The following XXYLT1 variants were observed in gnomAD, a reference collection of about 807,000 sequenced individuals.
XXYLT1 encodes xyloside xylosyltransferase 1, also known as UDP-xylose:alpha-xyloside alpha-1,3-xylosyltransferase.
XXYLT1 carries 20 observed loss-of-function variants against 28.9 expected under a neutral mutation model. The ratio of observed to expected loss-of-function variants is 0.69; its 90% CI spans 0.49 to 1.00. The LOEUF (loss-of-function observed/expected upper bound fraction) is 1.00, where lower values mean the gene tolerates loss of function less well. Among genes scored for constraint, XXYLT1 ranks in the 50% least tolerant of loss-of-function variants. The probability of loss-of-function intolerance (pLI) is 0.00; values close to 1 mark genes in which losing one functional copy is unlikely to be tolerated. For synonymous variants in XXYLT1, 257 were observed against 253.8 expected, an observed-to-expected ratio of 1.01 and a Z score of -0.12; for missense variants, 542 against 560.1, an observed-to-expected ratio of 0.97 and a Z score of 0.33.
At chr3:195,201,294 G>A (rs978999214) in intron 2 of XXYLT1, among the ~76,000 whole-genome samples, 3 of 152,120 alleles carry the variant, frequency 2.0e-5, no homozygotes, top group Admixed American at 6.5e-5. Flanking sequence ...TGTGAGGAAG[G>A]GCCCTTGCTC....
intron 3 of XXYLT1, among the ~76,000 whole-genome samples, chr3:195,098,271 G>T (rs1433080175): frequency 1.3e-5 from 2 of 152,200 alleles, no homozygotes; most frequent in Non-Finnish European, 2.9e-5. Flanking sequence ...GGTTAAAATG[G>T]AGCCAGGTGC....
intron 2 of XXYLT1, among the ~76,000 whole-genome samples, chr3:195,161,542 A>G (rs1261220753): frequency 4.6e-5 from 7 of 152,186 alleles, no homozygotes; most frequent in Non-Finnish European, 1.0e-4. Flanking sequence ...TTTCATTGAC[A>G]AAGACCAATA....
chr3:195,163,722 C>T (rs779040715), intron 2 of XXYLT1, among the ~76,000 whole-genome samples: 2 of 152,200 alleles, frequency 1.3e-5, no homozygotes, highest in Non-Finnish European at 2.9e-5. Context: ...ATAACTAAGC[C>T]ACATCCACGG....
chr3:195,112,319 T>TAG (rs1161887092), intron 3 of XXYLT1, among the ~76,000 whole-genome samples: 2 of 152,052 alleles, frequency 1.3e-5, no homozygotes, highest in Non-Finnish European at 2.9e-5. Context: ...AGAAGATCTG[T>TAG]CCACACTGAT....
intron 2 of XXYLT1, among the ~76,000 whole-genome samples, chr3:195,174,074 TA>T (rs1721541359): frequency 2.0e-5 from 3 of 152,192 alleles, no homozygotes; most frequent in Admixed American, 1.3e-4. Context: ...TTTTCTTTTT[TA>T]ACGAGGGCTG....
Position 195,195,382 on chromosome 3 carries a change from T to A in XXYLT1, c.652+31327A>T, listed in dbSNP as rs559208764. On this transcript the variant is annotated intron_variant, in intron 2 of 3. Coordinates refer to ENST00000310380, the MANE Select transcript of XXYLT1 (RefSeq NM_152531.5). The surrounding 1 kb of genome is among the most constrained non-coding windows in gnomAD (Gnocchi z 4.4). The stretch of plus-strand genomic sequence containing the variant: ...AAGTGCTCTGAGAAGGTGGCCTGGC[T>A]TCCCCAGGGGTGACCACCACGGATT... Among the ~76,000 whole-genome samples, 2 of 152,346 alleles carry A rather than the reference T, an allele frequency of 1.3e-5. No homozygotes were observed. The highest frequency in any genetic ancestry group is 4.8e-5 in the African/African-American group (2 of 41,582).
intron 2 of XXYLT1, among the ~76,000 whole-genome samples, chr3:195,192,106 C>A (rs1722445659): frequency 6.6e-6 from 1 of 152,188 alleles, no homozygotes; most frequent in African/African-American, 2.4e-5. Flanking sequence ...ACATACTAGG[C>A]CACAAAACAA....
intron 2 of XXYLT1, among the ~76,000 whole-genome samples, chr3:195,204,528 C>T (rs755308404): frequency 8.0e-5 from 12 of 150,866 alleles, no homozygotes; most frequent in Admixed American, 3.3e-4. Flanking sequence ...GTGTTCCAGT[C>T]TGAACTGCTG....
rs1560076933 is a variant in XXYLT1, at chr3:195,069,485, GTCGCCTGC to G, written c.*222_*229del. 5 of 567,570 alleles carry G rather than the reference GTCGCCTGC, an allele frequency of 8.8e-6. No homozygotes were observed. The allele number at this position is 567,570 out of a possible 1,614,324, so 35.2% of individuals were successfully genotyped here. A position where few individuals can be genotyped will look rare whatever the true frequency, so the allele number is the denominator to read the frequency against. ...CCCACTGGACATGCGTGTCCTTTGT[GTCGCCTGC>G]TCCCTGGAGGAATAAGGTCCCAAGC... On this transcript the variant is annotated 3_prime_UTR_variant, in exon 4 of 4. Transcript: ENST00000310380.
chr3:195,140,285 C>T (rs576943744), intron 3 of XXYLT1, among the ~76,000 whole-genome samples: 3 of 152,220 alleles, frequency 2.0e-5, no homozygotes, highest in Non-Finnish European at 4.4e-5. Context: ...AGTCTATAGG[C>T]AACGTTAGCA....
At chr3:195,193,178 C>T (rs1357194060) in intron 2 of XXYLT1, among the ~76,000 whole-genome samples, 1 of 151,446 alleles carries the variant, frequency 6.6e-6, no homozygotes, top group Non-Finnish European at 1.5e-5. Context: ...ATCCCAGCTA[C>T]TTGGGAGGCT....
chr3:195,188,650 C>G (rs370775842), intron 2 of XXYLT1, among the ~76,000 whole-genome samples: 15 of 152,180 alleles, frequency 9.9e-5, no homozygotes, highest in African/African-American at 1.2e-4. Flanking sequence ...AGCCAAGAAC[C>G]CTCTTGGGCT....
rs370162350 is a variant in XXYLT1 at position 195,127,265 on chromosome 3, G to A, written c.785+29184C>T. ...TCTAAGTTTGGGGAGTACCTCACAC[G>A]GCGGATTTGACTCTCAAGCATCATC... On this transcript the variant is annotated intron_variant, in intron 3 of 3. Coordinates refer to ENST00000310380, the MANE Select transcript of XXYLT1 (RefSeq NM_152531.5). Among the ~76,000 whole-genome samples, 67 of 152,302 alleles carry A rather than the reference G, an allele frequency of 4.4e-4. 2 individuals are homozygous for A. The South Asian group carries it at 0.012, about 27-fold the overall frequency.
intron 2 of XXYLT1, among the ~76,000 whole-genome samples, chr3:195,189,210 A>C (rs1722324015): frequency 6.6e-6 from 1 of 152,234 alleles, no homozygotes; most frequent in Admixed American, 6.5e-5. Flanking sequence ...CCAGGGTTTA[A>C]TTTGATTTTA....
intron 2 of XXYLT1, among the ~76,000 whole-genome samples, chr3:195,199,907 T>C (rs73063163): frequency 0.013 from 2,056 of 152,302 alleles, 48 homozygotes; most frequent in African/African-American, 0.047. Context: ...CTGTAAGTCA[T>C]TTAGGATAAT....
chr3:195,252,727 CAGAG>C (rs10649695), intron 1 of XXYLT1, among the ~76,000 whole-genome samples: 195 of 119,052 alleles, frequency 1.6e-3, no homozygotes, highest in Non-Finnish European at 2.6e-3. Context: ...CACACACACA[CAGAG>C]AGAGAGAGAG....
intron 1 of XXYLT1, among the ~76,000 whole-genome samples, chr3:195,248,899 G>A (rs1240761051): frequency 6.6e-6 from 1 of 152,162 alleles, no homozygotes; most frequent in Non-Finnish European, 1.5e-5. Flanking sequence ...CAGCCTGGGG[G>A]ACAGAGTGAG....
chr3:195,137,807 C>T (rs1014792912), intron 3 of XXYLT1, among the ~76,000 whole-genome samples: 1 of 152,110 alleles, frequency 6.6e-6, no homozygotes, highest in East Asian at 1.9e-4. Context: ...TACTGAGTAC[C>T]CTTAAGTAGG....
At chr3:195,212,233 G>C (rs989127485) in intron 2 of XXYLT1, among the ~76,000 whole-genome samples, 9 of 152,216 alleles carry the variant, frequency 5.9e-5, no homozygotes, top group African/African-American at 2.2e-4. Context: ...GCCACGGTAG[G>C]GTGAGTGACA....
Sources: gnomAD v4.1 joint callset for allele counts (sites outside exome capture counted in the v4.1 genomes callset) on GRCh38, gnomAD v4.1.1 for gene constraint, Gnocchi (gnomAD v3.1) non-coding constraint, MANE v1.5 for transcripts, NCBI Gene and HGNC (gene_info 2026-07-23, HGNC 2026-07-21) for gene names.